The following GABBR1 variants were observed in gnomAD, a reference collection of about 807,000 sequenced individuals.
GABBR1 encodes the protein gamma-aminobutyric acid type B receptor subunit 1, also known as GABA-B receptor, R1 subunit.
In GABBR1, 35 loss-of-function variants were observed where a neutral mutation model predicts 117.7. That is an observed-to-expected ratio of 0.30 (90% CI 0.23 to 0.39). GABBR1 has a LOEUF of 0.39. GABBR1 is among the 10% of genes least tolerant of loss of function. GABBR1 has a pLI of 1.00. For synonymous variants in GABBR1, 442 were observed against 486.6 expected, an observed-to-expected ratio of 0.91 and a Z score of 1.21; for missense variants, 709 against 1,241.8, an observed-to-expected ratio of 0.57 and a Z score of 6.45.
Position 29,606,814 on chromosome 6 carries a change from C to A in GABBR1, c.2217+83G>T, listed in dbSNP as rs1762004039. ...ACTCTCTCCAAGTAGCTTCATCCCT[C>A]AAGACACACACAGCCCCAGGGCCCT... is the stretch of plus-strand genomic sequence containing the variant. On this transcript the variant is annotated intron_variant, in intron 18 of 22. Transcript: ENST00000377034. The surrounding 1 kb of genome is among the most constrained non-coding windows in gnomAD (Gnocchi z 4.5). The A allele has an allele frequency of 1.7e-6, 2 of 1,160,776 alleles. No individual in the cohort carries two copies. Among genetic ancestry groups the A allele is most frequent in the Non-Finnish European group, 2.5e-6 (2 of 787,694 alleles). The allele number at this position is 1,160,776 out of a possible 1,614,324, so 71.9% of individuals were successfully genotyped here.
chr6:29,609,429 G>A lies in GABBR1; in HGVS notation c.1709-50C>T. The A allele has an allele frequency of 6.5e-7, 1 of 1,533,716 alleles. No individual in the cohort carries two copies. The stretch of plus-strand genomic sequence containing the variant: ...GGGAAGGGAAAAGAGAAGGGAAGGA[G>A]GACAAAGGAATGAAGACGGGATAGG... On this transcript the variant is annotated intron_variant, in intron 14 of 22. Coordinates refer to ENST00000377034, the MANE Select transcript of GABBR1 (RefSeq NM_001470.4). The surrounding 1 kb of genome is among the most constrained non-coding windows in gnomAD (Gnocchi z 4.3).
intron 13 of GABBR1, 96 bp downstream of exon 13, chr6:29,612,455 A>C (rs1224135277): frequency 2.1e-6 from 2 of 947,576 alleles, no homozygotes; most frequent in Non-Finnish European, 3.3e-6. Context: ...GTGCCAGGGC[A>C]ATCTTGTGAT....
rs1193133820 is a variant in GABBR1 at position 29,629,101 on chromosome 6, C to T, written c.482G>A (p.Arg161Gln). 1.9e-6 allele frequency: 3 copies of T among 1,612,742 alleles called. No individual in the cohort carries two copies. The highest frequency in any genetic ancestry group is 2.7e-5 in the African/African-American group (2 of 74,822). ...TCTCATCTCACCTGAGTGTGGCGTT[C>T]GATTCACTGGCAGCAGGAAAGACGG... ...STPKPHCQVNRTPHSERRAVY... is the reference protein window; with the variant it reads ...STPKPHCQVNQTPHSERRAVY... Residue 161 changes from arginine (R) to glutamine (Q), a missense_variant, in exon 5 of 23, where the codon CGA becomes CAA. Physicochemically the swap from Arg to Gln is conservative, Grantham distance 43 (BLOSUM62 1). Coordinates refer to ENST00000377034, the MANE Select transcript of GABBR1 (RefSeq NM_001470.4).
Position 29,629,124 on chromosome 6 carries a change from C to T in GABBR1, c.476-17G>A, listed in dbSNP as rs1476599554. 1.2e-6 allele frequency: 2 copies of T among 1,612,878 alleles called. No homozygotes were observed. The highest frequency in any genetic ancestry group is 1.7e-5 in the Admixed American group (1 of 60,008). ...TTCGATTCACTGGCAGCAGGAAAGA[C>T]GGGGATCAGAGAAGAGTTACCACTG... On this transcript the variant is annotated splice_polypyrimidine_tract_variant and intron_variant, in intron 4 of 22. Transcript: ENST00000377034.
In GABBR1 at chr6:29,632,455, A is replaced by G; in HGVS notation, c.1-70T>C. On this transcript the variant is annotated intron_variant, in intron 1 of 22. Coordinates refer to ENST00000377034, the MANE Select transcript of GABBR1 (RefSeq NM_001470.4). The surrounding 1 kb of genome is among the most constrained non-coding windows in gnomAD (Gnocchi z 5.8). ...GCGGCCCGCACCCGGAGACTACTCG[A>G]CCTCTTGCCGGTTGCCTCGCAGGCT... The G allele has an allele frequency of 3.3e-6, 4 of 1,222,624 alleles. No individual in the cohort carries two copies. Among genetic ancestry groups the G allele is most frequent in the Non-Finnish European group, 4.3e-6 (4 of 934,260 alleles). The allele number at this position is 1,222,624 out of a possible 1,614,324, so 75.7% of individuals were successfully genotyped here.
Position 29,606,449 on chromosome 6 carries a change from G to A in GABBR1, c.2253C>T (p.Asp751=), listed in dbSNP as rs776966379. 12 of 1,612,666 alleles carry A rather than the reference G, an allele frequency of 7.4e-6. No individual in the cohort carries two copies. The highest frequency in any genetic ancestry group is 1.1e-5 in the South Asian group (1 of 91,070). ...GCTCCAGCTGGGGCAGAATAGAGACGTCAATATCTTCCTTAGGTTCCTCCT... is the reference window on the plus strand; with the variant it reads ...GCTCCAGCTGGGGCAGAATAGAGACATCAATATCTTCCTTAGGTTCCTCCT... ...FAKEEPKEDI[D]VSILPQLEHC... The change falls in exon 19 of 23, where the codon GAC becomes GAT. Residue 751 remains aspartate, a synonymous_variant. Transcript: ENST00000377034. The surrounding 1 kb of genome is among the most constrained non-coding windows in gnomAD (Gnocchi z 4.5).
Position 29,615,870 on chromosome 6 carries a change from C to T in GABBR1, c.1324-2385G>A, listed in dbSNP as rs573652734. Among the ~76,000 whole-genome samples the T allele has an allele frequency of 6.6e-5, 10 of 152,114 alleles. No individual in the cohort carries two copies. In the South Asian group the frequency reaches 2.1e-3, roughly 32 times the overall value. On this transcript the variant is annotated intron_variant, in intron 11 of 22. Coordinates refer to ENST00000377034, the MANE Select transcript of GABBR1 (RefSeq NM_001470.4). Reference sequence around the variant, plus strand: ...GATCATGAGGTCAGGAGTTCAAGACCAGCCTGGCCAACATGGTGAAACCCT... The same window carrying T: ...GATCATGAGGTCAGGAGTTCAAGACTAGCCTGGCCAACATGGTGAAACCCT...
chr6:29,626,506 G>C (rs1042688250), intron 6 of GABBR1, among the ~76,000 whole-genome samples: 20 of 151,120 alleles, frequency 1.3e-4, no homozygotes, highest in Non-Finnish European at 2.8e-4. Flanking sequence ...AGAGGGGTGG[G>C]AAAAAAAACC....
rs552006062 is a variant in GABBR1 at position 29,603,513 on chromosome 6, C to T, written c.*30G>A. On this transcript the variant is annotated 3_prime_UTR_variant, in exon 23 of 23. Transcript: ENST00000377034. The stretch of plus-strand genomic sequence containing the variant: ...CCCTTCCCCTCTCCCTTTCCCTCCC[C>T]CTACTGGCCTGTCCTCCCTCACCCT... The T allele has an allele frequency of 2.6e-6, 4 of 1,535,568 alleles. No homozygotes were observed. The highest frequency in any genetic ancestry group is 3.5e-6 in the Non-Finnish European group (4 of 1,137,350).
chr6:29,607,351 C>A lies in GABBR1; in HGVS notation c.1993-133G>T. On this transcript the variant is annotated intron_variant, in intron 16 of 22. Transcript: ENST00000377034. The surrounding 1 kb of genome is among the most constrained non-coding windows in gnomAD (Gnocchi z 5.0). The stretch of plus-strand genomic sequence containing the variant: ...AGCTCATGGTGGCACAGGGAGGATG[C>A]GAAAATGTGAGCAGGACGGGGAGCG... 1.4e-6 allele frequency: 1 copy of A among 707,630 alleles called. No homozygotes were observed. The highest frequency in any genetic ancestry group is 2.5e-6 in the Non-Finnish European group (1 of 402,788). The allele number at this position is 707,630 out of a possible 1,614,324, so 43.8% of individuals were successfully genotyped here. A position where few individuals can be genotyped will look rare whatever the true frequency, so the allele number is the denominator to read the frequency against.
rs1764938101 is a variant in GABBR1, at chr6:29,631,340, T to C, written c.289+56A>G. The C allele has an allele frequency of 6.5e-7, 1 of 1,541,850 alleles. No individual in the cohort carries two copies. The highest frequency in any genetic ancestry group is 8.9e-7 in the Non-Finnish European group (1 of 1,117,820). Reference sequence around the variant, plus strand: ...TGACTTGCAAGCAGTAATGCTAAGTTTGCGGCAGGAAAAGGAATAGTCTTG... The same window carrying C: ...TGACTTGCAAGCAGTAATGCTAAGTCTGCGGCAGGAAAAGGAATAGTCTTG... On this transcript the variant is annotated intron_variant, in intron 3 of 22. Transcript: ENST00000377034. This position sits in a 1 kb window ranked among gnomAD's most constrained non-coding sequence, Gnocchi z 5.9.
chr6:29,617,592 G>A (rs573228223), intron 11 of GABBR1, among the ~76,000 whole-genome samples: 1 of 152,144 alleles, frequency 6.6e-6, no homozygotes, highest in South Asian at 2.1e-4. Flanking sequence ...GAGCCACCGC[G>A]CCCAGCCTCA....
Position 29,612,634 on chromosome 6 carries a change from G to C in GABBR1, c.1567-20C>G, listed in dbSNP as rs760614645. 6.2e-7 allele frequency: 1 copy of C among 1,611,478 alleles called. No homozygotes were observed. The highest frequency in any genetic ancestry group is 1.1e-5 in the South Asian group (1 of 91,038). On this transcript the variant is annotated intron_variant, in intron 12 of 22. Coordinates refer to ENST00000377034, the MANE Select transcript of GABBR1 (RefSeq NM_001470.4). ...ATGGCCCTGAGGGAAGGAACATGTG[G>C]AGCAAGGCAAAGGAGACAAAAGCAA...
Position 29,620,889 on chromosome 6 carries a change from GTTT to G in GABBR1, c.1323+209_1323+211del, listed in dbSNP as rs28383955. On this transcript the variant is annotated intron_variant, in intron 11 of 22. Transcript: ENST00000377034. This position sits in a 1 kb window ranked among gnomAD's most constrained non-coding sequence, Gnocchi z 4.5. ...AACCTACTGAACATACAACTCCATC[GTTT>G]TTTTTTTTTTCTCTCTCTACCCAAG... Among the ~76,000 whole-genome samples the G allele has an allele frequency of 0.044, 6,365 of 144,798 alleles. 166 individuals carry two copies. The highest frequency in any genetic ancestry group is 0.15 in the Middle Eastern group (43 of 284). The allele number at this position is 144,798 out of a possible 152,430, so 95.0% of individuals were successfully genotyped here.
At position 29,627,955 on chromosome 6, in the gene GABBR1, C is replaced by A; in HGVS notation, c.497-309G>T. 6.7e-6 allele frequency: 9 copies of A among 1,342,822 alleles called. No homozygotes were observed. The highest frequency in any genetic ancestry group is 8.5e-6 in the Non-Finnish European group (9 of 1,056,226). 83.2% of individuals were successfully genotyped at this position (1,342,822 alleles called of 1,614,324 possible). A position where few individuals can be genotyped will look rare whatever the true frequency, so the allele number is the denominator to read the frequency against. On this transcript the variant is annotated intron_variant, in intron 5 of 22. Transcript: ENST00000377034. This position sits in a 1 kb window ranked among gnomAD's most constrained non-coding sequence, Gnocchi z 4.4. Reference sequence around the variant, plus strand: ...AGAAGCAGGGAAGGTTGGCTTCCTACGGCCCCCGCGGCTCTCGCCACCGTC... The same window carrying A: ...AGAAGCAGGGAAGGTTGGCTTCCTAAGGCCCCCGCGGCTCTCGCCACCGTC...
Position 29,627,448 on chromosome 6 carries a change from A to AT in GABBR1, c.657+37_657+38insA. ...CAGCTGGCTGGCCCCCTGCCCCGCA[A>AT]GCCCCCACCTCCCACCCACCCCCAT... On this transcript the variant is annotated intron_variant, in intron 6 of 22. Transcript: ENST00000377034. This position sits in a 1 kb window ranked among gnomAD's most constrained non-coding sequence, Gnocchi z 4.4. The AT allele has an allele frequency of 7.8e-7, 1 of 1,290,314 alleles. No homozygotes were observed. The highest frequency in any genetic ancestry group is 1.1e-6 in the Non-Finnish European group (1 of 920,198). The allele number at this position is 1,290,314 out of a possible 1,614,324, so 79.9% of individuals were successfully genotyped here. A position where few individuals can be genotyped will look rare whatever the true frequency, so the allele number is the denominator to read the frequency against.
chr6:29,632,719 T>C lies in GABBR1; in HGVS notation c.-1+131A>G. ...CATCGGCCGCCTCAGCGCTCCCCGA[T>C]TCCATCCCCGCGGTTCCTCCTCTCC... On this transcript the variant is annotated intron_variant, in intron 1 of 22. Transcript: ENST00000377034. The surrounding 1 kb of genome is among the most constrained non-coding windows in gnomAD (Gnocchi z 5.8). The C allele has an allele frequency of 7.7e-7, 1 of 1,303,234 alleles. No homozygotes were observed. Among genetic ancestry groups the C allele is most frequent in the Non-Finnish European group, 9.9e-7 (1 of 1,010,522 alleles). The allele number at this position is 1,303,234 out of a possible 1,614,324, so 80.7% of individuals were successfully genotyped here.
intron 6 of GABBR1, chr6:29,624,264 C>T (rs776859474): frequency 2.4e-6 from 1 of 424,388 alleles, no homozygotes; most frequent in Non-Finnish European, 4.3e-6. Flanking sequence ...TCCTGCACAC[C>T]CCTCCTTTGG....
In GABBR1 at chr6:29,621,958, C is replaced by G. The variant is rs1255229490; in HGVS notation, c.1066-141G>C. The G allele has an allele frequency of 9.6e-7, 1 of 1,046,244 alleles. No homozygotes were observed. Among genetic ancestry groups the G allele is most frequent in the Non-Finnish European group, 1.4e-6 (1 of 692,326 alleles). The allele number at this position is 1,046,244 out of a possible 1,614,324, so 64.8% of individuals were successfully genotyped here. ...TCAACGTATAGTGAATAAACGTCAA[C>G]TGGAAGATGGAGCTAAACTTCCCCA... On this transcript the variant is annotated intron_variant, in intron 9 of 22. Transcript: ENST00000377034. The surrounding 1 kb of genome is among the most constrained non-coding windows in gnomAD (Gnocchi z 5.0).
Sources: gnomAD v4.1 joint callset for allele counts (sites outside exome capture counted in the v4.1 genomes callset) on GRCh38, gnomAD v4.1.1 for gene constraint, Gnocchi (gnomAD v3.1) non-coding constraint, MANE v1.5 for transcripts, NCBI Gene and HGNC (gene_info 2026-07-23, HGNC 2026-07-21) for gene names.